OCA2: variants seen among roughly 807,000 people sequenced by gnomAD.
The protein encoded by OCA2 is OCA2 melanosomal transmembrane protein, also known as P protein.
In OCA2, 77 loss-of-function variants were observed where a neutral mutation model predicts 100.2. The ratio of observed to expected loss-of-function variants is 0.77; its 90% CI spans 0.64 to 0.93. The LOEUF (loss-of-function observed/expected upper bound fraction) is 0.93. Ranked by LOEUF, OCA2 falls within the 40% of genes least tolerant of loss-of-function variation. The pLI, the probability that OCA2 is intolerant of heterozygous loss-of-function variation, is 0.00. For missense variants in OCA2, 1,062 were observed against 1,089.1 expected (o/e 0.98, Z 0.35); for synonymous variants, 432 against 439.2 (o/e 0.98, Z 0.21).
intron 15 of OCA2, among the ~76,000 whole-genome samples, chr15:27,966,139 T>G (rs1243914821): frequency 6.6e-6 from 1 of 152,128 alleles, no homozygotes; most frequent in Non-Finnish European, 1.5e-5. Flanking sequence ...CCCGGCTAAT[T>G]TCTGTATTTT....
intron 18 of OCA2, among the ~76,000 whole-genome samples, chr15:27,946,758 GAA>G (rs2039853058): frequency 6.6e-6 from 1 of 152,182 alleles, no homozygotes; most frequent in Non-Finnish European, 1.5e-5. Flanking sequence ...AAAGACACTA[GAA>G]TCTTTCCCAA....
At chr15:27,814,945 T>TAGAG (rs71132822) in intron 23 of OCA2, among the ~76,000 whole-genome samples, 14,149 of 107,362 alleles carry the variant, frequency 0.13, 1,220 homozygotes, top group South Asian at 0.16. Flanking sequence ...GATAGATAGA[T>TAGAG]ACAGAGATAT....
intron 23 of OCA2, among the ~76,000 whole-genome samples, chr15:27,809,493 T>C (rs2033990225): frequency 6.6e-6 from 1 of 152,118 alleles, no homozygotes; most frequent in Non-Finnish European, 1.5e-5. Context: ...AACACTCCTA[T>C]TCAACAGTAT....
At chr15:27,724,507 C>T in the OCA2 span, among the ~76,000 whole-genome samples, 1 of 152,134 alleles carries the variant, frequency 6.6e-6, no homozygotes, top group African/African-American at 2.4e-5. Context: ...AATACTGTCC[C>T]TTTGTGAGGT....
At chr15:27,868,443 A>T (rs559617374) in intron 21 of OCA2, among the ~76,000 whole-genome samples, 1 of 152,338 alleles carries the variant, frequency 6.6e-6, no homozygotes, top group South Asian at 2.1e-4. Flanking sequence ...AGACGGCATT[A>T]TGCTATGTGA....
chr15:27,897,272 T>C (rs2037743100), intron 19 of OCA2, among the ~76,000 whole-genome samples: 1 of 151,910 alleles, frequency 6.6e-6, no homozygotes, highest in South Asian at 2.1e-4. Context: ...GTTTCCTGGG[T>C]CGGGCCCAGT....
intron 19 of OCA2, among the ~76,000 whole-genome samples, chr15:27,908,341 C>T (rs987769474): frequency 3.3e-5 from 5 of 152,080 alleles, no homozygotes; most frequent in Non-Finnish European, 7.4e-5. Flanking sequence ...CCCATTCTTG[C>T]TTAAAACACT....
chr15:28,061,321 C>A (rs1246126206), intron 2 of OCA2, among the ~76,000 whole-genome samples: 1 of 152,186 alleles, frequency 6.6e-6, no homozygotes, highest in Non-Finnish European at 1.5e-5. Flanking sequence ...TCTGTCCAGT[C>A]ACTAACTGAA....
intron 9 of OCA2, among the ~76,000 whole-genome samples, chr15:28,009,684 TCACA>T (rs747425942): frequency 0.05 from 6,858 of 138,024 alleles, 471 homozygotes; most frequent in African/African-American, 0.16. Flanking sequence ...CGAGATTCTG[TCACA>T]CACACACACA....
At chr15:27,984,331 G>T (rs541356872) in intron 13 of OCA2, among the ~76,000 whole-genome samples, 27 of 152,172 alleles carry the variant, frequency 1.8e-4, no homozygotes, top group African/African-American at 6.5e-4. Context: ...CTCCCCAGGG[G>T]ACCCAGTATG....
rs748887135 is a variant in OCA2, at chr15:27,985,193, C to CCA, written c.1240-7_1240-6dup. Reference sequence around the variant, plus strand: ...TCCCCGGGAGAGCCGGTATGCCTGGCCACACACACACAGAGAGAGTACAAG... The same window carrying CCA: ...TCCCCGGGAGAGCCGGTATGCCTGGCCACACACACACACAGAGAGAGTACAAG... On this transcript the variant is annotated splice_polypyrimidine_tract_variant and splice_region_variant and intron_variant, in intron 12 of 23. Coordinates refer to ENST00000354638, the MANE Select transcript of OCA2 (RefSeq NM_000275.3). 6 of 1,610,670 alleles carry CCA rather than the reference C, an allele frequency of 3.7e-6. No homozygotes were observed. The highest frequency in any genetic ancestry group is 1.3e-5 in the African/African-American group (1 of 74,880).
At chr15:27,860,636 G>A (rs2151448095) in intron 21 of OCA2, among the ~76,000 whole-genome samples, 1 of 152,314 alleles carries the variant, frequency 6.6e-6, no homozygotes, top group South Asian at 2.1e-4. Context: ...TGATCTCATT[G>A]TTTTTATGAC....
chr15:28,042,982 A>C (rs2043249957), intron 2 of OCA2, among the ~76,000 whole-genome samples: 1 of 152,168 alleles, frequency 6.6e-6, no homozygotes, highest in African/African-American at 2.4e-5. Context: ...AGAGGGTGCA[A>C]ATTAATATTT....
chr15:28,009,560 C>T (rs113071405), intron 9 of OCA2, among the ~76,000 whole-genome samples: 4 of 152,146 alleles, frequency 2.6e-5, no homozygotes, highest in African/African-American at 7.2e-5. Flanking sequence ...TGATGGTATG[C>T]GCCTGTGGTC....
intron 23 of OCA2, among the ~76,000 whole-genome samples, chr15:27,795,861 G>C (rs2033307634): frequency 6.6e-6 from 1 of 152,200 alleles, no homozygotes; most frequent in Non-Finnish European, 1.5e-5. Context: ...GGAGGAGAAA[G>C]CTCCACAAGT....
At chr15:27,751,898 G>C (rs1205400678), downstream of OCA2, among the ~76,000 whole-genome samples, 1 of 152,230 alleles carries the variant, frequency 6.6e-6, no homozygotes, top group Non-Finnish European at 1.5e-5. Context: ...AGTGACTACA[G>C]AACTTGGGCT....
intron 19 of OCA2, among the ~76,000 whole-genome samples, chr15:27,885,462 A>C (rs1003286744): frequency 2.0e-5 from 3 of 152,204 alleles, no homozygotes; most frequent in Non-Finnish European, 4.4e-5. Context: ...TTCATCACTT[A>C]GGAACCAAGA....
At position 27,951,891 on chromosome 15, in the gene OCA2, T is replaced by A. The variant is rs1800414; in HGVS notation, c.1844A>T (p.His615Leu). The stretch of plus-strand genomic sequence containing the variant: ...GAGCAGAATCCCGTCAGATATCCTA[T>A]GCTGTAAGAGAGAAACCACAGCTCA... The part of the protein sequence containing the change: ...ETNIQELQKK[H>L]RISDGILLAK... The change falls in exon 18 of 24, where the codon CAT becomes CTT. Residue 615 changes from histidine to leucine, a missense_variant and splice_region_variant. By Grantham distance (99) the His-to-Leu change is moderately conservative. Coordinates refer to ENST00000354638, the MANE Select transcript of OCA2 (RefSeq NM_000275.3). The A allele has an allele frequency of 6.2e-7, 1 of 1,607,238 alleles. No homozygotes were observed. The highest frequency in any genetic ancestry group is 1.1e-5 in the South Asian group (1 of 90,914).
chr15:27,923,361 T>C (rs966415485), intron 19 of OCA2, among the ~76,000 whole-genome samples: 5 of 152,216 alleles, frequency 3.3e-5, no homozygotes, highest in South Asian at 2.1e-4. Flanking sequence ...TTTTTTTATA[T>C]ATACCCAGTA....
Sources: allele counts gnomAD v4.1 joint callset (sites outside exome capture counted in the v4.1 genomes callset), GRCh38; gene constraint gnomAD v4.1.1; transcripts MANE v1.5; gene names NCBI Gene and HGNC (gene_info 2026-07-23, HGNC 2026-07-21).